GLIS2: variants seen among roughly 807,000 people sequenced by gnomAD.
GLIS2 encodes the protein zinc finger protein GLIS2.
A neutral mutation model predicts 35.6 loss-of-function variants in GLIS2; 14 were observed. The observed-to-expected ratio is 0.39, with a 90% CI of 0.26 to 0.61. GLIS2 has a LOEUF of 0.61. GLIS2 is among the 20% of genes least tolerant of loss of function. The pLI is 0.48. For missense variants in GLIS2, 675 were observed against 713.4 expected, an observed-to-expected ratio of 0.95 and a Z score of 0.61; for synonymous variants, 368 against 325.1, an observed-to-expected ratio of 1.13 and a Z score of -1.42.
At chr16:4,334,098 C>A (rs1055674793) in intron 3 of GLIS2, among the ~76,000 whole-genome samples, 4 of 151,712 alleles carry the variant, frequency 2.6e-5, no homozygotes, top group African/African-American at 9.7e-5. Flanking sequence ...CACCATCACA[C>A]CTGGCTACTT....
At chr16:4,323,841 C>T (rs1435279340) in intron 1 of GLIS2, among the ~76,000 whole-genome samples, 2 of 152,210 alleles carry the variant, frequency 1.3e-5, no homozygotes, top group African/African-American at 4.8e-5. Flanking sequence ...GGCATGAGGA[C>T]AAGGCCCTCC....
chr16:4,317,729 C>T (rs7188966), intron 1 of GLIS2, among the ~76,000 whole-genome samples: 51,884 of 151,970 alleles, frequency 0.34, 9,626 homozygotes, highest in African/African-American at 0.49. Context: ...TGGCCCATTT[C>T]ACTGCCCACC....
At chr16:4,333,125 C>G (rs1260154278) in intron 2 of GLIS2, among the ~76,000 whole-genome samples, 1 of 152,200 alleles carries the variant, frequency 6.6e-6, no homozygotes, top group Non-Finnish European at 1.5e-5. Context: ...CACTTCCCCC[C>G]TCCCCGGCTC....
At chr16:4,334,690 G>A in intron 3 of GLIS2, 111 bp from the exon 4 acceptor site, 1 of 1,281,024 alleles carries the variant, frequency 7.8e-7, no homozygotes, top group South Asian at 1.2e-5. Context: ...TAGGGGCTGG[G>A]GAGAAGAGGA....
chr16:4,322,616 G>A lies in GLIS2; in HGVS notation c.-67+6362G>A, dbSNP rs182200366. 2.5e-3 allele frequency among the ~76,000 whole-genome samples: 368 copies of A among 150,048 alleles called. 1 individual carries two copies. The highest frequency in any genetic ancestry group is 7.8e-3 in the African/African-American group (311 of 39,800). On this transcript the variant is annotated intron_variant, in intron 1 of 6. Coordinates refer to ENST00000433375, the MANE Select transcript of GLIS2 (RefSeq NM_032575.3). ...CGGATCTGTGCCCAACCCCCTGCAGGAGCAGCCCCCCCCCTACACTGTTTC... is the reference window on the plus strand; with the variant it reads ...CGGATCTGTGCCCAACCCCCTGCAGAAGCAGCCCCCCCCCTACACTGTTTC...
intron 1 of GLIS2, among the ~76,000 whole-genome samples, chr16:4,329,583 T>C (rs2141128427): frequency 6.6e-6 from 1 of 152,252 alleles, no homozygotes; most frequent in Middle Eastern, 3.4e-3. Flanking sequence ...TTTTATGCCC[T>C]ACTTGCTTGG....
At chr16:4,329,806 G>A (rs2053478438) in intron 1 of GLIS2, among the ~76,000 whole-genome samples, 1 of 152,244 alleles carries the variant, frequency 6.6e-6, no homozygotes, top group Admixed American at 6.5e-5. Context: ...CTCACAGCGT[G>A]ATTGTGCGGC....
chr16:4,337,132 G>T lies in GLIS2; in HGVS notation c.1183G>T (p.Gly395Trp), dbSNP rs1313220688. Reference protein sequence around the residue: ...ACGNGGGSGGGGGMGPGLPGP... With the variant: ...ACGNGGGSGGWGGMGPGLPGP... Reference sequence around the variant, plus strand: ...TGGCAACGGTGGGGGCAGTGGGGGTGGGGGGGGCATGGGCCCTGGGCTGCC... The same window carrying T: ...TGGCAACGGTGGGGGCAGTGGGGGTTGGGGGGGCATGGGCCCTGGGCTGCC... Residue 395 changes from glycine to tryptophan, a missense_variant, in exon 7 of 7, where the codon GGG becomes TGG. By Grantham distance (184) the Gly-to-Trp change is radical. Coordinates refer to ENST00000433375, the MANE Select transcript of GLIS2 (RefSeq NM_032575.3). The T allele has an allele frequency of 4.6e-6, 7 of 1,535,366 alleles. No individual in the cohort carries two copies. The highest frequency in any genetic ancestry group is 3.9e-5 in the Admixed American group (2 of 50,942).
rs202161407 is a variant in GLIS2 at position 4,336,800 on chromosome 16, C to T, written c.851C>T (p.Thr284Met). Residue 284 changes from threonine to methionine, a missense_variant, in exon 7 of 7, where the codon ACG becomes ATG. This residue lies in a region of GLIS2 where 133 missense variants were observed against 191.4 expected (regional missense o/e 0.69). Transcript: ENST00000433375. The part of the protein sequence containing the change: ...YSNSSDRFKH[T>M]RTHYVDKPYY... ...AACTCCAGTGACCGCTTTAAGCACA[C>T]GCGCACCCACTATGTGGACAAGCCC... The T allele has an allele frequency of 8.1e-6, 13 of 1,611,864 alleles. No homozygotes were observed. Among genetic ancestry groups the T allele is most frequent in the Admixed American group, 3.3e-5 (2 of 59,862 alleles).
In GLIS2 at chr16:4,337,795, A is replaced by C. The variant is rs1240345677; in HGVS notation, c.*271A>C. Reference sequence around the variant, plus strand: ...CACCACCTGGCCCTCAGCTTCTGAGAGGCTTTCCCCTGCCCGACCTCCTCC... The same window carrying C: ...CACCACCTGGCCCTCAGCTTCTGAGCGGCTTTCCCCTGCCCGACCTCCTCC... On this transcript the variant is annotated 3_prime_UTR_variant, in exon 7 of 7. Coordinates refer to ENST00000433375, the MANE Select transcript of GLIS2 (RefSeq NM_032575.3). The C allele has an allele frequency of 3.4e-6, 2 of 587,674 alleles. No individual in the cohort carries two copies. The highest frequency in any genetic ancestry group is 2.9e-5 in the Admixed American group (1 of 34,732). The allele number at this position is 587,674 out of a possible 1,614,324, so 36.4% of individuals were successfully genotyped here.
Position 4,337,696 on chromosome 16 carries a change from C to G in GLIS2, c.*172C>G. 1 of 918,100 alleles carries G rather than the reference C, an allele frequency of 1.1e-6. No homozygotes were observed. Among genetic ancestry groups the G allele is most frequent in the Non-Finnish European group, 1.7e-6 (1 of 598,814 alleles). The allele number at this position is 918,100 out of a possible 1,614,324, so 56.9% of individuals were successfully genotyped here. ...CATTCATGGCTGGCCTCCCAGCCCC[C>G]GGGTGGGGACCTGGCCTGTCATGCA... On this transcript the variant is annotated 3_prime_UTR_variant, in exon 7 of 7. Transcript: ENST00000433375.
chr16:4,318,404 C>G (rs950514892), intron 1 of GLIS2, among the ~76,000 whole-genome samples: 1 of 152,200 alleles, frequency 6.6e-6, no homozygotes, highest in South Asian at 2.1e-4. Context: ...AAAGCCAACT[C>G]TCAATTATCC....
In GLIS2 at chr16:4,316,213, C is replaced by A. The variant is rs1270971994; in HGVS notation, c.-108C>A. Among the ~76,000 whole-genome samples the A allele has an allele frequency of 1.4e-5, 2 of 144,058 alleles. No individual in the cohort carries two copies. Among genetic ancestry groups the A allele is most frequent in the Non-Finnish European group, 3.1e-5 (2 of 64,900 alleles). 94.5% of individuals were successfully genotyped at this position (144,058 alleles called of 152,430 possible). On this transcript the variant is annotated 5_prime_UTR_variant, in exon 1 of 7. Coordinates refer to ENST00000433375, the MANE Select transcript of GLIS2 (RefSeq NM_032575.3). ...CTCGGCTCCCCGCGCCCCCCGACCG[C>A]CGGAGCCCGCAGCCCGGATCCCGAC...
intron 1 of GLIS2, among the ~76,000 whole-genome samples, chr16:4,322,064 T>C (rs1039201088): frequency 6.7e-6 from 1 of 149,430 alleles, no homozygotes; most frequent in Admixed American, 6.6e-5. Flanking sequence ...CAGAAGGGGA[T>C]GGTGGCTGGA....
intron 6 of GLIS2, chr16:4,336,335 C>CG (rs980590769): frequency 3.3e-5 from 13 of 392,448 alleles, no homozygotes; most frequent in African/African-American, 2.0e-4. Context: ...TTAGTAGAGA[C>CG]GGGGTCTCAC....
chr16:4,336,687 G>C lies in GLIS2; in HGVS notation c.776-38G>C, dbSNP rs1330743365. ...TGGGGTGAGACCCAGGAAGGGGAGA[G>C]ACCCCTCATGGCGGCACTGCACTGC... On this transcript the variant is annotated intron_variant, in intron 6 of 6. Coordinates refer to ENST00000433375, the MANE Select transcript of GLIS2 (RefSeq NM_032575.3). 4 of 1,553,316 alleles carry C rather than the reference G, an allele frequency of 2.6e-6. No individual in the cohort carries two copies. In the African/African-American group the frequency reaches 5.5e-5, roughly 21 times the overall value.
At chr16:4,328,372 ACAGAGCAGAGCC>A (rs1346920177) in intron 1 of GLIS2, 2 of 152,602 alleles carry the variant, frequency 1.3e-5, no homozygotes, top group African/African-American at 4.8e-5. Context: ...GAACAAAAGC[ACAGAGCAGAGCC>A]CAGAACTGGC....
rs1392758720 is a variant in GLIS2, at chr16:4,336,854, A to G, written c.905A>G (p.Lys302Arg). 1 of 1,613,396 alleles carries G rather than the reference A, an allele frequency of 6.2e-7. No homozygotes were observed. Among genetic ancestry groups the G allele is most frequent in the Non-Finnish European group, 8.5e-7 (1 of 1,180,012 alleles). ...TACTGCAAGATGCCCGGCTGCCACA[A>G]GCGCTACACGGACCCCAGCTCACTG... is the stretch of plus-strand genomic sequence containing the variant. ...PYYCKMPGCH[K>R]RYTDPSSLRK... Residue 302 changes from lysine to arginine, a missense_variant, in exon 7 of 7, where the codon AAG (lysine) becomes AGG (arginine). By Grantham distance (26) the Lys-to-Arg change is conservative. Coordinates refer to ENST00000433375, the MANE Select transcript of GLIS2 (RefSeq NM_032575.3).
At position 4,322,069 on chromosome 16, in the gene GLIS2, G is replaced by A. The variant is rs1702783502; in HGVS notation, c.-67+5815G>A. ...GAGGAGGGGGCAGAAGGGGATGGTG[G>A]CTGGAGGAAAGAGAACAGGGGGGCA... On this transcript the variant is annotated intron_variant, in intron 1 of 6. Coordinates refer to ENST00000433375, the MANE Select transcript of GLIS2 (RefSeq NM_032575.3). Among the ~76,000 whole-genome samples, 6 of 152,122 alleles carry A rather than the reference G, an allele frequency of 3.9e-5. No individual in the cohort carries two copies. The South Asian group carries it at 1.2e-3, about 32-fold the overall frequency.
Sources: allele counts gnomAD v4.1 joint callset (sites outside exome capture counted in the v4.1 genomes callset), GRCh38; gene constraint gnomAD v4.1.1; regional missense constraint gnomAD v4.1.1; transcripts MANE v1.5; gene names NCBI Gene and HGNC (gene_info 2026-07-23, HGNC 2026-07-21).